SCN9A: variants seen among roughly 807,000 people sequenced by gnomAD.
SCN9A encodes the protein sodium voltage-gated channel alpha subunit 9.
Under a neutral mutation model 187.0 loss-of-function variants are expected in SCN9A, and 131 were observed. That is an observed-to-expected ratio of 0.70 (90% confidence interval 0.61 to 0.81). The LOEUF (loss-of-function observed/expected upper bound fraction) is 0.81. Ranked by LOEUF, SCN9A falls within the 30% of genes least tolerant of loss-of-function variation. The pLI is 0.00. For missense variants in SCN9A, 2,252 were observed against 2,396.6 expected (o/e 0.94, Z 1.26); for synonymous variants, 809 against 808.6 (o/e 1.00, Z -0.01).
At chr2:166,239,368 G>A (rs1314999418) in intron 19 of SCN9A, among the ~76,000 whole-genome samples, 2 of 152,030 alleles carry the variant, frequency 1.3e-5, no homozygotes, top group Non-Finnish European at 2.9e-5. Context: ...TGTATCCTTC[G>A]TGGTTAATAT....
intron 7 of SCN9A, chr2:166,295,995 T>C (rs1158805557): frequency 6.6e-6 from 1 of 152,222 alleles, no homozygotes; most frequent in Non-Finnish European, 1.5e-5. Context: ...TATTCTACTA[T>C]AAGAACCTGA....
chr2:166,266,695 C>T (rs548783046), intron 17 of SCN9A, among the ~76,000 whole-genome samples: 1 of 151,122 alleles, frequency 6.6e-6, no homozygotes, highest in South Asian at 2.1e-4. Context: ...AATCCATGAA[C>T]ATGGAATATC....
intron 1 of SCN9A, among the ~76,000 whole-genome samples, chr2:166,363,278 T>C (rs934070362): frequency 1.3e-5 from 2 of 152,104 alleles, no homozygotes; most frequent in African/African-American, 4.8e-5. Flanking sequence ...ATAGCTTTTC[T>C]TTCTTACTCA....
At chr2:166,366,979 C>T (rs1282243451) in intron 1 of SCN9A, among the ~76,000 whole-genome samples, 1 of 152,172 alleles carries the variant, frequency 6.6e-6, no homozygotes, top group African/African-American at 2.4e-5. Flanking sequence ...GACAATTTAA[C>T]TGACTTAGAT....
At chr2:166,233,007 C>T (rs912975817) in intron 21 of SCN9A, among the ~76,000 whole-genome samples, 1 of 145,306 alleles carries the variant, frequency 6.9e-6, no homozygotes, top group Non-Finnish European at 1.5e-5. Flanking sequence ...TGCATATATA[C>T]CATTAGTATA....
At chr2:166,335,134 AT>A (rs2105270462) in intron 1 of SCN9A, among the ~76,000 whole-genome samples, 1 of 152,244 alleles carries the variant, frequency 6.6e-6, no homozygotes, top group African/African-American at 2.4e-5. Context: ...GCATTTTGAC[AT>A]TTTTGAGTTT....
rs112761603 is a variant in SCN9A, at chr2:166,330,996, A to G, written c.-50-19190T>C. Reference sequence around the variant, plus strand: ...CTTATACAACTGGGGGAGGAGGTTGAGAAAAAATGCAAAAATACAAGGGCA... The same window carrying G: ...CTTATACAACTGGGGGAGGAGGTTGGGAAAAAATGCAAAAATACAAGGGCA... On this transcript the variant is annotated intron_variant, in intron 1 of 26. Transcript: ENST00000642356. Among the ~76,000 whole-genome samples, 1,394 of 152,218 alleles carry G rather than the reference A, an allele frequency of 9.2e-3. 30 individuals are homozygous for G. The highest frequency in any genetic ancestry group is 0.03 in the African/African-American group (1,265 of 41,486).
intron 3 of SCN9A, 136 bp downstream of exon 3, chr2:166,306,820 A>G (rs1048760230): frequency 4.7e-6 from 3 of 641,070 alleles, no homozygotes; most frequent in Non-Finnish European, 8.3e-6. Context: ...ATGACAAATT[A>G]TATTAATAAT....
chr2:166,272,258 C>G, intron 17 of SCN9A, 141 bp downstream of exon 17: 1 of 535,736 alleles, frequency 1.9e-6, no homozygotes, highest in Admixed American at 3.4e-5. Flanking sequence ...CTTCAGGAAG[C>G]TGTTGTGTAA....
At chr2:166,357,192 T>A (rs910202492) in intron 1 of SCN9A, among the ~76,000 whole-genome samples, 2 of 152,204 alleles carry the variant, frequency 1.3e-5, no homozygotes, top group African/African-American at 4.8e-5. Flanking sequence ...TAGCTCTCAC[T>A]TATAAGTGAG....
Position 166,335,254 on chromosome 2 carries a change from T to TCTAAA in SCN9A, c.-50-23449_-50-23448insTTTAG, listed in dbSNP as rs1699598561. Among the ~76,000 whole-genome samples, 10 of 152,030 alleles carry TCTAAA rather than the reference T, an allele frequency of 6.6e-5. No individual in the cohort carries two copies. In the South Asian group the frequency reaches 2.1e-3, roughly 32 times the overall value. On this transcript the variant is annotated intron_variant, in intron 1 of 26. Coordinates refer to ENST00000642356, the MANE Select transcript of SCN9A (RefSeq NM_001365536.1). ...CTGTCAGTCACTCACAGGTACAAACTCATAACTAAACATAAACAAGAGTTG... is the reference window on the plus strand; with the variant it reads ...CTGTCAGTCACTCACAGGTACAAACTCTAAACATAACTAAACATAAACAAGAGTTG...
intron 1 of SCN9A, among the ~76,000 whole-genome samples, chr2:166,343,950 A>C (rs1014105261): frequency 2.6e-5 from 4 of 152,220 alleles, no homozygotes; most frequent in Non-Finnish European, 5.9e-5. Context: ...AAGCACAAGA[A>C]CCACTCAATA....
chr2:166,246,333 G>A (rs1343938137), intron 18 of SCN9A, among the ~76,000 whole-genome samples: 1 of 151,388 alleles, frequency 6.6e-6, no homozygotes. Context: ...AAAAAAAAAG[G>A]TGAATGGAAA....
At chr2:166,369,407 T>G (rs1449637404) in intron 1 of SCN9A, among the ~76,000 whole-genome samples, 1 of 152,190 alleles carries the variant, frequency 6.6e-6, no homozygotes, top group Non-Finnish European at 1.5e-5. Context: ...TGAAAGGCAC[T>G]TCTCTGCCTA....
At chr2:166,337,352 T>C (rs556405965) in intron 1 of SCN9A, among the ~76,000 whole-genome samples, 23 of 152,066 alleles carry the variant, frequency 1.5e-4, no homozygotes, top group Non-Finnish European at 3.1e-4. Flanking sequence ...GTGTTTGAGA[T>C]GCCTGGGAGA....
rs1699564714 is a variant in SCN9A at position 166,333,712 on chromosome 2, CAG to C, written c.-50-21908_-50-21907del. ...TTAAAAATATTTTCCACTGACAAAACAGAACATTGTCATGAATTTTTATTCCC... is the reference window on the plus strand; with the variant it reads ...TTAAAAATATTTTCCACTGACAAAACAACATTGTCATGAATTTTTATTCCC... On this transcript the variant is annotated intron_variant, in intron 1 of 26. Coordinates refer to ENST00000642356, the MANE Select transcript of SCN9A (RefSeq NM_001365536.1). Among the ~76,000 whole-genome samples, 4 of 152,090 alleles carry C rather than the reference CAG, an allele frequency of 2.6e-5. No individual in the cohort carries two copies. In the South Asian group the frequency reaches 8.3e-4, roughly 31 times the overall value.
At chr2:166,240,783 T>C (rs914773962) in intron 19 of SCN9A, among the ~76,000 whole-genome samples, 1 of 152,166 alleles carries the variant, frequency 6.6e-6, no homozygotes, top group Non-Finnish European at 1.5e-5. Flanking sequence ...TGCCTGCTCC[T>C]TACCTAGGAC....
At chr2:166,279,072 G>A (rs73969649) in intron 14 of SCN9A, among the ~76,000 whole-genome samples, 3,646 of 152,174 alleles carry the variant, frequency 0.024, 146 homozygotes, top group African/African-American at 0.083. Flanking sequence ...GGTAATAGCT[G>A]TGACCAGGTA....
At chr2:166,209,688 C>CA (rs1302285037) in intron 24 of SCN9A, among the ~76,000 whole-genome samples, 16 of 151,888 alleles carry the variant, frequency 1.1e-4, no homozygotes, top group Admixed American at 1.0e-3. Context: ...TTTATGCAGC[C>CA]AAAAAACACA....
Sources: allele counts gnomAD v4.1 joint callset (sites outside exome capture counted in the v4.1 genomes callset), GRCh38; gene constraint gnomAD v4.1.1; transcripts MANE v1.5; gene names NCBI Gene and HGNC (gene_info 2026-07-23, HGNC 2026-07-21).